Variants in AFF3 observed in about 807,000 individuals in gnomAD.
The protein encoded by AFF3 is AF4/FMR2 family member 3.
A neutral mutation model predicts 129.7 loss-of-function variants in AFF3; 32 were observed. That is an observed-to-expected ratio of 0.25 (90% CI 0.19 to 0.33). The LOEUF is 0.33. AFF3 is among the 10% of genes least tolerant of loss of function. The probability of loss-of-function intolerance (pLI) is 1.00; values close to 1 mark genes in which losing one functional copy is unlikely to be tolerated. For synonymous variants in AFF3, 644 were observed against 635.4 expected (o/e 1.01, Z -0.20); for missense variants, 1,373 against 1,592.0 (o/e 0.86, Z 2.34).
chr2:99,936,882 C>A (rs1674571265), intron 7 of AFF3, among the ~76,000 whole-genome samples: 1 of 152,190 alleles, frequency 6.6e-6, no homozygotes, highest in Non-Finnish European at 1.5e-5. Context: ...TTTTCATAAG[C>A]AGTGTCAACT....
intron 2 of AFF3, among the ~76,000 whole-genome samples, chr2:100,119,011 T>C (rs1057075977): frequency 6.6e-6 from 1 of 152,050 alleles, no homozygotes; most frequent in Non-Finnish European, 1.5e-5. Context: ...ATGTTGGCCA[T>C]GCTGGTCATG....
At chr2:99,844,782 GA>G (rs1689604484) in intron 7 of AFF3, among the ~76,000 whole-genome samples, 1 of 152,058 alleles carries the variant, frequency 6.6e-6, no homozygotes, top group Admixed American at 6.5e-5. Flanking sequence ...ACACTGCACT[GA>G]AAAGAAGAAC....
At chr2:99,817,162 C>T (rs879707417) in intron 8 of AFF3, among the ~76,000 whole-genome samples, 1 of 152,174 alleles carries the variant, frequency 6.6e-6, no homozygotes, top group Non-Finnish European at 1.5e-5. Flanking sequence ...GTCAAGACCA[C>T]AGGAAAGGCT....
chr2:99,657,686 T>TATTTGACC (rs1486859016), intron 12 of AFF3, among the ~76,000 whole-genome samples: 5 of 152,220 alleles, frequency 3.3e-5, no homozygotes, highest in African/African-American at 9.6e-5. Context: ...CTTTGAAAAA[T>TATTTGACC]ATTTGACTAT....
Position 99,558,938 on chromosome 2 carries a change from C to G in AFF3, c.3222G>C (p.Arg1074=). Residue 1074 remains arginine (R), a synonymous_variant, in exon 22 of 25, where the codon CGG becomes CGC. Transcript: ENST00000672756. ...CYRCLALLYW[R]MFRLKRDHAV... ...CGTGGTCCCTTTTGAGTCGAAACAT[C>G]CGCCAGTACAGGAGGGCCAGGCATC... 1.2e-6 allele frequency: 2 copies of G among 1,614,192 alleles called. No homozygotes were observed. The highest frequency in any genetic ancestry group is 1.7e-6 in the Non-Finnish European group (2 of 1,180,036).
intron 7 of AFF3, among the ~76,000 whole-genome samples, chr2:99,868,519 C>G (rs1691614742): frequency 6.6e-6 from 1 of 152,070 alleles, no homozygotes; most frequent in African/African-American, 2.4e-5. Context: ...TTTTATCTTG[C>G]TATAAAAGTT....
At chr2:99,932,100 C>A (rs1324426663) in intron 7 of AFF3, among the ~76,000 whole-genome samples, 1 of 152,202 alleles carries the variant, frequency 6.6e-6, no homozygotes, top group East Asian at 1.9e-4. Flanking sequence ...TGGTATAGAT[C>A]AAGCTTGTCC....
chr2:99,712,458 G>T (rs1251410292), intron 11 of AFF3, among the ~76,000 whole-genome samples: 2 of 152,190 alleles, frequency 1.3e-5, no homozygotes, highest in African/African-American at 4.8e-5. Flanking sequence ...ACATGGCAGG[G>T]GCCCAGTGCA....
chr2:99,990,360 CACA>C (rs1399385015), intron 7 of AFF3, among the ~76,000 whole-genome samples: 1 of 152,056 alleles, frequency 6.6e-6, no homozygotes. Context: ...AGTTTTTTTG[CACA>C]ACAATGTGAA....
intron 2 of AFF3, among the ~76,000 whole-genome samples, chr2:100,111,677 CTAAT>C (rs1198043826): frequency 1.3e-5 from 2 of 152,200 alleles, no homozygotes; most frequent in Admixed American, 6.5e-5. Context: ...TACCAATAAA[CTAAT>C]TATCACTGTA....
chr2:100,116,847 C>A (rs1365759784), intron 2 of AFF3, among the ~76,000 whole-genome samples: 1 of 152,090 alleles, frequency 6.6e-6, no homozygotes. Flanking sequence ...CACTGGTGAA[C>A]AATTCTCTGT....
chr2:99,589,014 G>A (rs1468224997), intron 15 of AFF3, among the ~76,000 whole-genome samples: 2 of 152,196 alleles, frequency 1.3e-5, no homozygotes, highest in Non-Finnish European at 2.9e-5. Flanking sequence ...TTTAAACACA[G>A]AATATTACGG....
chr2:99,864,024 A>G (rs1006096534), intron 7 of AFF3, among the ~76,000 whole-genome samples: 2 of 152,194 alleles, frequency 1.3e-5, no homozygotes, highest in African/African-American at 2.4e-5. Context: ...GGAAGTCAAG[A>G]AAGTCCATCG....
At chr2:99,863,925 T>C (rs1691185006) in intron 7 of AFF3, among the ~76,000 whole-genome samples, 1 of 152,176 alleles carries the variant, frequency 6.6e-6, no homozygotes, top group Admixed American at 6.5e-5. Flanking sequence ...AAAGATAACA[T>C]GAGGACCTTC....
intron 15 of AFF3, among the ~76,000 whole-genome samples, chr2:99,591,015 ATTTT>A (rs148857646): frequency 6.8e-6 from 1 of 147,720 alleles, no homozygotes; most frequent in Non-Finnish European, 1.5e-5. Flanking sequence ...AAAAAAAAAA[ATTTT>A]TTTTTCTTTG....
chr2:99,622,879 C>T (rs1682166703), intron 13 of AFF3, among the ~76,000 whole-genome samples: 1 of 152,324 alleles, frequency 6.6e-6, no homozygotes, highest in African/African-American at 2.4e-5. Flanking sequence ...GTACTGGAGA[C>T]AGTCCTTGCC....
chr2:99,699,261 C>A (rs962127955), intron 11 of AFF3, among the ~76,000 whole-genome samples: 3 of 152,224 alleles, frequency 2.0e-5, no homozygotes, highest in Non-Finnish European at 2.9e-5. Context: ...CCACCTTCCA[C>A]CCCTTCACCT....
Position 99,921,204 on chromosome 2 carries a change from T to C in AFF3, c.874-83680A>G, listed in dbSNP as rs575044413. Among the ~76,000 whole-genome samples the C allele has an allele frequency of 3.9e-5, 6 of 152,270 alleles. No individual in the cohort carries two copies. In the East Asian group the frequency reaches 1.2e-3, roughly 29 times the overall value. ...TATCAGAAACAATGAGAATGCCAAC[T>C]CTGTAACATTCATTCTTTCTATAAC... On this transcript the variant is annotated intron_variant, in intron 7 of 24. Coordinates refer to ENST00000672756, the MANE Select transcript of AFF3 (RefSeq NM_001386135.1).
chr2:99,791,350 T>C (rs1685174659), intron 8 of AFF3, among the ~76,000 whole-genome samples: 2 of 152,216 alleles, frequency 1.3e-5, no homozygotes, highest in Non-Finnish European at 1.5e-5. Context: ...CTATGTACTT[T>C]AATAAATAAT....
Sources: allele counts gnomAD v4.1 joint callset (sites outside exome capture counted in the v4.1 genomes callset), GRCh38; gene constraint gnomAD v4.1.1; transcripts MANE v1.5; gene names NCBI Gene and HGNC (gene_info 2026-07-23, HGNC 2026-07-21).